The following BTBD1 variants were observed in gnomAD, a reference collection of about 807,000 sequenced individuals.
The protein encoded by BTBD1 is BTB domain containing 1, also known as BTB/POZ domain-containing protein 1.
In BTBD1, 34 loss-of-function variants were observed where a neutral mutation model predicts 48.0. That is an observed-to-expected ratio of 0.71 (90% CI 0.54 to 0.94). BTBD1 has a LOEUF of 0.94. BTBD1 is among the 40% of genes least tolerant of loss of function. The probability of loss-of-function intolerance (pLI) is 0.00; values close to 1 mark genes in which losing one functional copy is unlikely to be tolerated. For missense variants in BTBD1, 543 were observed against 625.6 expected (o/e 0.87, Z 1.41); for synonymous variants, 261 against 242.1 (o/e 1.08, Z -0.72).
intron 3 of BTBD1, 78 bp downstream of exon 3, chr15:83,049,995 G>T (rs1251249603): frequency 2.6e-6 from 2 of 783,128 alleles, no homozygotes; most frequent in Non-Finnish European, 4.1e-6. Context: ...TTTAAAAATA[G>T]CCCCTTCTCC....
intron 3 of BTBD1, among the ~76,000 whole-genome samples, chr15:83,049,614 C>G (rs948570008): frequency 1.3e-5 from 2 of 151,818 alleles, no homozygotes; most frequent in Non-Finnish European, 2.9e-5. Flanking sequence ...ATTTTAAGTT[C>G]AGGGGTACAT....
chr15:83,059,855 G>A (rs907267240), intron 1 of BTBD1, among the ~76,000 whole-genome samples: 2 of 152,146 alleles, frequency 1.3e-5, no homozygotes, highest in Admixed American at 6.5e-5. Context: ...GCCTCCCCAA[G>A]TGCTGGGATT....
chr15:83,050,025 G>A, intron 3 of BTBD1, 48 bp downstream of exon 3: 2 of 1,135,590 alleles, frequency 1.8e-6, no homozygotes, highest in South Asian at 1.3e-5. Flanking sequence ...GACAAGTAAG[G>A]CATTAACTGT....
At chr15:83,051,301 T>A (rs1039172570) in intron 2 of BTBD1, among the ~76,000 whole-genome samples, 1 of 152,154 alleles carries the variant, frequency 6.6e-6, no homozygotes, top group Non-Finnish European at 1.5e-5. Flanking sequence ...TTTGGCATGA[T>A]GATGACTCTT....
intron 3 of BTBD1, among the ~76,000 whole-genome samples, chr15:83,045,693 G>T (rs2032864912): frequency 6.6e-6 from 1 of 151,996 alleles, no homozygotes; most frequent in Non-Finnish European, 1.5e-5. Context: ...TCAAACTTTA[G>T]TATCTCTTAT....
rs761846601 is a variant in BTBD1, at chr15:83,067,180, G to A, written c.-29C>T. On this transcript the variant is annotated 5_prime_UTR_variant, in exon 1 of 8. Coordinates refer to ENST00000261721, the MANE Select transcript of BTBD1 (RefSeq NM_025238.4). ...CCAGCTGCGCGGTTGCCCACGTTATGGACAAAACTCCGCCGCCATCGCCCA... is the reference window on the plus strand; with the variant it reads ...CCAGCTGCGCGGTTGCCCACGTTATAGACAAAACTCCGCCGCCATCGCCCA... 34 of 1,380,296 alleles carry A rather than the reference G, an allele frequency of 2.5e-5. No individual in the cohort carries two copies. The highest frequency in any genetic ancestry group is 3.1e-5 in the Non-Finnish European group (33 of 1,068,728). The allele number at this position is 1,380,296 out of a possible 1,614,324, so 85.5% of individuals were successfully genotyped here.
chr15:83,020,593 T>A (rs1596419986), intron 6 of BTBD1, 82 bp downstream of exon 6: 1 of 926,246 alleles, frequency 1.1e-6, no homozygotes, highest in Admixed American at 2.2e-5. Flanking sequence ...TATATTGAAA[T>A]TTGGATTCTG....
intron 2 of BTBD1, among the ~76,000 whole-genome samples, chr15:83,051,882 A>ACACACACACACACG (rs1555441193): frequency 6.6e-6 from 1 of 151,084 alleles, no homozygotes; most frequent in Non-Finnish European, 1.5e-5. Flanking sequence ...ATATATACAC[A>ACACACACACACACG]CACACACACA....
chr15:83,045,134 CAATT>C (rs1483864474), intron 3 of BTBD1, among the ~76,000 whole-genome samples: 1 of 152,066 alleles, frequency 6.6e-6, no homozygotes, highest in Admixed American at 6.6e-5. Flanking sequence ...CAGCAGAAAT[CAATT>C]AAAGCATTAA....
intron 4 of BTBD1, among the ~76,000 whole-genome samples, chr15:83,035,736 T>C (rs2032613350): frequency 6.6e-6 from 1 of 151,806 alleles, no homozygotes; most frequent in Non-Finnish European, 1.5e-5. Flanking sequence ...AGGCAGAAAG[T>C]AATGAAATGG....
intron 2 of BTBD1, among the ~76,000 whole-genome samples, chr15:83,053,700 A>T (rs1480915368): frequency 6.6e-6 from 1 of 152,238 alleles, no homozygotes. Context: ...TCAAAAGAGG[A>T]AAAAATACGG....
Position 83,020,671 on chromosome 15 carries a change from G to A in BTBD1, c.1143+4C>T. The A allele has an allele frequency of 6.4e-7, 1 of 1,560,582 alleles. No homozygotes were observed. Among genetic ancestry groups the A allele is most frequent in the Middle Eastern group, 1.7e-4 (1 of 5,930 alleles). ...ATGATATATGGTGGGGGAGGAAACT[G>A]TACCTGTATATTCACTTGATAATCT... On this transcript the variant is annotated splice_donor_region_variant and intron_variant, in intron 6 of 7. Transcript: ENST00000261721.
chr15:83,057,240 G>C (rs1454471426), intron 1 of BTBD1, among the ~76,000 whole-genome samples: 2 of 152,176 alleles, frequency 1.3e-5, no homozygotes, highest in Admixed American at 1.3e-4. Context: ...CAGGGCTTCT[G>C]ACTGTTTTCA....
intron 5 of BTBD1, chr15:83,029,909 T>C: frequency 1.8e-6 from 1 of 548,552 alleles, no homozygotes; most frequent in Admixed American, 3.3e-5. Flanking sequence ...TCCAACCCAA[T>C]CCTTTCTTAC....
At chr15:83,050,044 T>G in intron 3 of BTBD1, 29 bp downstream of exon 3, 1 of 1,408,660 alleles carries the variant, frequency 7.1e-7, no homozygotes, top group South Asian at 1.2e-5. Flanking sequence ...GTACTTAAAA[T>G]GTAACAATTT....
chr15:83,021,340 C>A (rs911423942), intron 5 of BTBD1, among the ~76,000 whole-genome samples: 5 of 152,156 alleles, frequency 3.3e-5, no homozygotes, highest in Non-Finnish European at 5.9e-5. Flanking sequence ...AGGGATGGGA[C>A]AGGATTCGAA....
chr15:83,043,350 G>GC (rs1185525038), intron 3 of BTBD1, among the ~76,000 whole-genome samples: 1 of 152,164 alleles, frequency 6.6e-6, no homozygotes, highest in East Asian at 1.9e-4. Flanking sequence ...GAGCAGGAGG[G>GC]AAGAGTAGCA....
intron 4 of BTBD1, among the ~76,000 whole-genome samples, chr15:83,040,035 GAAT>G (rs780554748): frequency 7.3e-5 from 11 of 150,212 alleles, no homozygotes; most frequent in Non-Finnish European, 4.4e-5. Flanking sequence ...ACACACCACA[GAAT>G]ACTATAAAGC....
intron 1 of BTBD1, among the ~76,000 whole-genome samples, chr15:83,057,869 G>C (rs1296366786): frequency 6.6e-6 from 1 of 152,210 alleles, no homozygotes; most frequent in African/African-American, 2.4e-5. Context: ...AAACAGAAAT[G>C]TTGGCTGGGA....
Sources: allele counts gnomAD v4.1 joint callset (sites outside exome capture counted in the v4.1 genomes callset), GRCh38; gene constraint gnomAD v4.1.1; transcripts MANE v1.5; gene names NCBI Gene and HGNC (gene_info 2026-07-23, HGNC 2026-07-21).